The following PAK5 variants were observed in gnomAD, a reference collection of about 807,000 sequenced individuals.
PAK5 encodes the protein serine/threonine-protein kinase PAK 5.
In PAK5, 16 loss-of-function variants were observed where a neutral mutation model predicts 65.9. The observed-to-expected ratio is 0.24, with a 90% CI of 0.16 to 0.37. The LOEUF (loss-of-function observed/expected upper bound fraction) is 0.37. Among genes scored for constraint, PAK5 ranks in the 10% least tolerant of loss-of-function variants. The pLI is 1.00. For synonymous variants in PAK5, 371 were observed against 354.9 expected (o/e 1.05, Z -0.51); for missense variants, 785 against 903.9 (o/e 0.87, Z 1.69).
chr20:9,815,652 T>A (rs984635238), intron 1 of PAK5, among the ~76,000 whole-genome samples: 5 of 152,156 alleles, frequency 3.3e-5, no homozygotes, highest in African/African-American at 1.2e-4. Flanking sequence ...TGGTCCCTCA[T>A]GATTCAAAAA....
chr20:9,615,698 C>G (rs6133732), intron 3 of PAK5, among the ~76,000 whole-genome samples: 1 of 152,084 alleles, frequency 6.6e-6, no homozygotes, highest in Non-Finnish European at 1.5e-5. Flanking sequence ...TTTGCATAAT[C>G]GTGTGGGTCA....
chr20:9,649,743 C>T (rs952850892), intron 2 of PAK5, among the ~76,000 whole-genome samples: 1 of 152,088 alleles, frequency 6.6e-6, no homozygotes, highest in Non-Finnish European at 1.5e-5. Context: ...GATGGCGCAG[C>T]ACCTCATTAG....
chr20:9,829,445 C>T (rs374976988), intron 1 of PAK5, among the ~76,000 whole-genome samples: 19 of 152,228 alleles, frequency 1.2e-4, no homozygotes, highest in South Asian at 8.3e-4. Context: ...GATATTTTGC[C>T]TTGAGTGACC....
chr20:9,835,034 A>G (rs568146067), intron 1 of PAK5, among the ~76,000 whole-genome samples: 1 of 152,356 alleles, frequency 6.6e-6, no homozygotes, highest in South Asian at 2.1e-4. Flanking sequence ...CATTTGTTAA[A>G]GCCAAGAATA....
chr20:9,596,902 G>A (rs1044693770), intron 3 of PAK5, among the ~76,000 whole-genome samples: 1 of 152,154 alleles, frequency 6.6e-6, no homozygotes, highest in African/African-American at 2.4e-5. Context: ...GACTCCAAGG[G>A]AGCAGGTCTG....
At chr20:9,775,290 G>C (rs577311875) in intron 1 of PAK5, among the ~76,000 whole-genome samples, 137 of 152,218 alleles carry the variant, frequency 9.0e-4, no homozygotes, top group African/African-American at 3.2e-3. Flanking sequence ...AGCTGCGTCG[G>C]TAGACTCACT....
intron 1 of PAK5, among the ~76,000 whole-genome samples, chr20:9,786,526 G>A (rs1266968861): frequency 6.6e-6 from 1 of 152,080 alleles, no homozygotes; most frequent in Non-Finnish European, 1.5e-5. Flanking sequence ...ATGCAGTATA[G>A]CACATGTACA....
chr20:9,670,440 C>G (rs2047480506), intron 2 of PAK5, among the ~76,000 whole-genome samples: 1 of 152,094 alleles, frequency 6.6e-6, no homozygotes, highest in South Asian at 2.1e-4. Context: ...CCTGTTGTTT[C>G]CTGACTTTTT....
At chr20:9,617,644 C>T (rs997376852) in intron 3 of PAK5, among the ~76,000 whole-genome samples, 2 of 150,930 alleles carry the variant, frequency 1.3e-5, no homozygotes, top group African/African-American at 4.9e-5. Flanking sequence ...CAAGCTCCAC[C>T]TCTTAGGTTC....
At chr20:9,747,416 C>T (rs2048521223) in intron 1 of PAK5, among the ~76,000 whole-genome samples, 1 of 151,710 alleles carries the variant, frequency 6.6e-6, no homozygotes, top group Admixed American at 6.6e-5. Context: ...CCTTGATGAA[C>T]ATTGATGCAA....
intron 4 of PAK5, among the ~76,000 whole-genome samples, chr20:9,570,543 G>C (rs1000907098): frequency 1.9e-4 from 29 of 152,204 alleles, no homozygotes; most frequent in Admixed American, 2.6e-4. Context: ...TGGGGAGAGA[G>C]AAGTGTCAGT....
At position 9,553,452 on chromosome 20, in the gene PAK5, A is replaced by G. The variant is rs181513568; in HGVS notation, c.1743+4156T>C. Among the ~76,000 whole-genome samples, 396 of 152,360 alleles carry G rather than the reference A, an allele frequency of 2.6e-3. 4 individuals carry two copies. The highest frequency in any genetic ancestry group is 0.015 in the South Asian group (73 of 4,824). ...AATCAAGATACCCAACTGTACCATCAGCACAGGACTTCCTGGTGCTGTTCT... is the reference window on the plus strand; with the variant it reads ...AATCAAGATACCCAACTGTACCATCGGCACAGGACTTCCTGGTGCTGTTCT... On this transcript the variant is annotated intron_variant, in intron 7 of 9. Transcript: ENST00000353224.
intron 1 of PAK5, among the ~76,000 whole-genome samples, chr20:9,802,157 T>C (rs1352218195): frequency 1.3e-5 from 2 of 152,166 alleles, no homozygotes; most frequent in Non-Finnish European, 2.9e-5. Flanking sequence ...CCCATACTTC[T>C]GGGTTGTGCA....
At chr20:9,614,433 CAAT>C (rs1372305354) in intron 3 of PAK5, among the ~76,000 whole-genome samples, 1 of 152,122 alleles carries the variant, frequency 6.6e-6, no homozygotes. Context: ...AAGTTGGAAA[CAAT>C]AATGACTGAA....
chr20:9,664,818 C>G (rs1359806676), intron 2 of PAK5, among the ~76,000 whole-genome samples: 1 of 152,114 alleles, frequency 6.6e-6, no homozygotes, highest in Non-Finnish European at 1.5e-5. Context: ...ATCAGAAAAA[C>G]ATCCATTGAG....
intron 1 of PAK5, among the ~76,000 whole-genome samples, chr20:9,721,988 G>C (rs560296734): frequency 1.3e-5 from 2 of 151,992 alleles, no homozygotes; most frequent in South Asian, 2.1e-4. Flanking sequence ...ATTCCTTTAG[G>C]CTATTTTTTA....
chr20:9,677,265 C>G (rs1359087583), intron 2 of PAK5, among the ~76,000 whole-genome samples: 4 of 152,210 alleles, frequency 2.6e-5, no homozygotes, highest in African/African-American at 9.6e-5. Flanking sequence ...ACTCAGCATT[C>G]TAATAGGATG....
At chr20:9,550,088 G>C (rs538304570) in intron 7 of PAK5, among the ~76,000 whole-genome samples, 1 of 152,166 alleles carries the variant, frequency 6.6e-6, no homozygotes, top group African/African-American at 2.4e-5. Flanking sequence ...TGGAGACACG[G>C]CGCTATAGTG....
At chr20:9,691,950 C>A (rs1160947083) in intron 2 of PAK5, among the ~76,000 whole-genome samples, 1 of 152,158 alleles carries the variant, frequency 6.6e-6, no homozygotes, top group Non-Finnish European at 1.5e-5. Context: ...CTGGTAGTCC[C>A]TCCCTCTAAA....
Sources: allele counts gnomAD v4.1 joint callset (sites outside exome capture counted in the v4.1 genomes callset), GRCh38; gene constraint gnomAD v4.1.1; transcripts MANE v1.5; gene names NCBI Gene and HGNC (gene_info 2026-07-23, HGNC 2026-07-21).